The following RALYL variants were observed in gnomAD, a reference collection of about 807,000 sequenced individuals.
RALYL encodes RALY RNA binding protein like.
Under a neutral mutation model 35.1 loss-of-function variants are expected in RALYL, and 29 were observed. The ratio of observed to expected loss-of-function variants is 0.83; its 90% confidence interval spans 0.61 to 1.13. RALYL has a LOEUF of 1.13. RALYL is among the 50% of genes most tolerant of loss of function. The pLI, the probability that RALYL is intolerant of heterozygous loss-of-function variation, is 0.00. For missense variants in RALYL, 359 were observed against 360.4 expected (o/e 1.00, Z 0.03); for synonymous variants, 120 against 127.6 (o/e 0.94, Z 0.40).
intron 2 of RALYL, among the ~76,000 whole-genome samples, chr8:84,708,818 G>A (rs1841660082): frequency 6.6e-6 from 1 of 152,004 alleles, no homozygotes; most frequent in South Asian, 2.1e-4. Context: ...ACACATGAAG[G>A]TACATTTTTA....
In RALYL at chr8:84,369,534, CA is replaced by C. The variant is rs958118489; in HGVS notation, c.-23-159762del. 2.9e-4 allele frequency among the ~76,000 whole-genome samples: 44 copies of C among 152,060 alleles called. No individual in the cohort carries two copies. The Middle Eastern group carries it at 0.014, about 47-fold the overall frequency. ...ATTTAAAGGAGACATGAAGGACATT[CA>C]AAGAGCTTCAGGGGGGTAGGTTGTG... On this transcript the variant is annotated intron_variant, in intron 1 of 8. Transcript: ENST00000521268.
intron 2 of RALYL, among the ~76,000 whole-genome samples, chr8:84,716,804 T>C (rs1019939744): frequency 5.9e-5 from 9 of 152,318 alleles, no homozygotes; most frequent in Non-Finnish European, 1.2e-4. Flanking sequence ...TAAAAATTTA[T>C]TTGATTTTGA....
chr8:84,583,208 A>C (rs1345634884), intron 2 of RALYL, among the ~76,000 whole-genome samples: 1 of 152,188 alleles, frequency 6.6e-6, no homozygotes, highest in Non-Finnish European at 1.5e-5. Flanking sequence ...ATATGAACTT[A>C]CTGAGATCAG....
At chr8:84,853,195 G>A (rs1836240576) in intron 5 of RALYL, among the ~76,000 whole-genome samples, 1 of 152,128 alleles carries the variant, frequency 6.6e-6, no homozygotes, top group South Asian at 2.1e-4. Flanking sequence ...ATTCTTCCTA[G>A]CCCTCACTCA....
intron 2 of RALYL, among the ~76,000 whole-genome samples, chr8:84,675,891 A>C (rs942003169): frequency 2.6e-5 from 4 of 152,190 alleles, no homozygotes; most frequent in Non-Finnish European, 4.4e-5. Flanking sequence ...TTGTACAAAT[A>C]AAAAGGGGGA....
chr8:84,501,894 G>A (rs2056706381), intron 1 of RALYL, among the ~76,000 whole-genome samples: 1 of 150,474 alleles, frequency 6.6e-6, no homozygotes, highest in South Asian at 2.1e-4. Flanking sequence ...TAATAAATTG[G>A]GATCTATATT....
intron 4 of RALYL, among the ~76,000 whole-genome samples, chr8:84,842,481 T>C (rs1463172631): frequency 1.3e-5 from 2 of 152,040 alleles, no homozygotes; most frequent in East Asian, 1.9e-4. Context: ...AATTAATAGC[T>C]TACCAACCAA....
chr8:84,792,922 T>C (rs1821132885), intron 3 of RALYL, among the ~76,000 whole-genome samples: 2 of 152,162 alleles, frequency 1.3e-5, no homozygotes, highest in African/African-American at 4.8e-5. Context: ...AGATTCCACC[T>C]CTTGATGGGT....
chr8:84,715,178 T>G (rs1842781428), intron 2 of RALYL, among the ~76,000 whole-genome samples: 1 of 151,902 alleles, frequency 6.6e-6, no homozygotes, highest in African/African-American at 2.4e-5. Flanking sequence ...CTAAATGAAT[T>G]GGGTAATGAT....
intron 4 of RALYL, among the ~76,000 whole-genome samples, chr8:84,835,774 T>C (rs1049396509): frequency 6.6e-6 from 1 of 151,952 alleles, no homozygotes; most frequent in African/African-American, 2.4e-5. Context: ...AGGAAACCTT[T>C]TGTTGAGCCA....
At chr8:84,453,230 A>G (rs2049719565) in intron 1 of RALYL, among the ~76,000 whole-genome samples, 1 of 151,920 alleles carries the variant, frequency 6.6e-6, no homozygotes, top group Non-Finnish European at 1.5e-5. Flanking sequence ...ACACACATAT[A>G]TAATTAGAGC....
intron 8 of RALYL, among the ~76,000 whole-genome samples, chr8:84,901,315 A>AT (rs1563835871): frequency 1.3e-5 from 2 of 152,170 alleles, no homozygotes; most frequent in Non-Finnish European, 2.9e-5. Flanking sequence ...AATCTCACAC[A>AT]TTTTATTTGG....
At chr8:84,291,039 A>T (rs994920993) in intron 1 of RALYL, among the ~76,000 whole-genome samples, 6 of 152,192 alleles carry the variant, frequency 3.9e-5, no homozygotes, top group Admixed American at 3.3e-4. Context: ...TAAAATAAAC[A>T]CTATTCTATA....
intron 2 of RALYL, among the ~76,000 whole-genome samples, chr8:84,672,556 C>T (rs1833471610): frequency 6.6e-6 from 1 of 152,116 alleles, no homozygotes; most frequent in Non-Finnish European, 1.5e-5. Flanking sequence ...TGAAGAACTA[C>T]CCAAGACTGG....
chr8:84,706,055 A>G (rs1841149770), intron 2 of RALYL: 7 of 1,535,062 alleles, frequency 4.6e-6, no homozygotes, highest in Non-Finnish European at 6.1e-6. Context: ...CGCAGACATC[A>G]GAGATGTAAG....
At chr8:84,913,032 A>ATGGATGGG in intron 8 of RALYL, among the ~76,000 whole-genome samples, 1 of 109,140 alleles carries the variant, frequency 9.2e-6, no homozygotes, top group East Asian at 2.7e-4. Context: ...GGATGGATGG[A>ATGGATGGG]TAGGTAGGTA....
chr8:84,617,676 T>G (rs1213272511), intron 2 of RALYL, among the ~76,000 whole-genome samples: 2 of 150,144 alleles, frequency 1.3e-5, no homozygotes, highest in Non-Finnish European at 3.0e-5. Flanking sequence ...GTGCCAGTTT[T>G]CAAAGGGAAT....
chr8:84,241,267 T>A (rs1827803264), intron 1 of RALYL, among the ~76,000 whole-genome samples: 1 of 152,178 alleles, frequency 6.6e-6, no homozygotes, highest in Non-Finnish European at 1.5e-5. Context: ...CTTTTTTTCT[T>A]TCTCTATATA....
intron 1 of RALYL, among the ~76,000 whole-genome samples, chr8:84,344,716 A>G (rs1849489916): frequency 6.6e-6 from 1 of 151,964 alleles, no homozygotes. Context: ...CCCAATTCCC[A>G]TCCCCTTACC....
Sources: allele counts gnomAD v4.1 joint callset (sites outside exome capture counted in the v4.1 genomes callset), GRCh38; gene constraint gnomAD v4.1.1; transcripts MANE v1.5; gene names NCBI Gene and HGNC (gene_info 2026-07-23, HGNC 2026-07-21).